The following PCDHA7 variants were observed in gnomAD, a reference collection of about 807,000 sequenced individuals.
PCDHA7 encodes the protein protocadherin alpha-7.
PCDHA7 carries 37 observed loss-of-function variants against 57.2 expected under a neutral mutation model. That is an observed-to-expected ratio of 0.65 (90% CI 0.50 to 0.85). The LOEUF (loss-of-function observed/expected upper bound fraction) is 0.85, where lower values mean the gene tolerates loss of function less well. PCDHA7 is among the 40% of genes least tolerant of loss of function. The probability of loss-of-function intolerance (pLI) is 0.00; values close to 1 mark genes in which losing one functional copy is unlikely to be tolerated. For synonymous variants in PCDHA7, 553 were observed against 558.8 expected (o/e 0.99, Z 0.15); for missense variants, 1,188 against 1,241.8 (o/e 0.96, Z 0.65).
chr5:140,846,135 C>T (rs2150384965), intron 1 of PCDHA7, among the ~76,000 whole-genome samples: 2 of 149,570 alleles, frequency 1.3e-5, no homozygotes, highest in African/African-American at 4.9e-5. Context: ...TGTATGTTTC[C>T]CATATTTAAA....
At chr5:140,876,510 T>C in intron 1 of PCDHA7, 1 of 1,614,038 alleles carries the variant, frequency 6.2e-7, no homozygotes, top group Non-Finnish European at 8.5e-7. Flanking sequence ...TGAATGACAA[T>C]GTCCCTGAAG....
At chr5:140,882,488 C>T in intron 1 of PCDHA7, 6 of 1,614,074 alleles carry the variant, frequency 3.7e-6, no homozygotes, top group South Asian at 1.1e-5. Context: ...ACACGGGGAC[C>T]TTCTGGAGGT....
intron 1 of PCDHA7, among the ~76,000 whole-genome samples, chr5:140,931,548 G>C (rs2087590460): frequency 6.6e-6 from 1 of 151,968 alleles, no homozygotes; most frequent in African/African-American, 2.4e-5. Flanking sequence ...CTGTTCATAT[G>C]TGCAGGAATA....
rs2098416866 is a variant in PCDHA7, at chr5:141,010,297, G to C, written c.*360G>C. 3 of 1,549,050 alleles carry C rather than the reference G, an allele frequency of 1.9e-6. No individual in the cohort carries two copies. The South Asian group carries it at 3.6e-5, about 19-fold the overall frequency. On this transcript the variant is annotated 3_prime_UTR_variant, in exon 4 of 4. Transcript: ENST00000525929. ...TGTCTTGATGACACTTGCAGGGCAGGCTGAAAAGTTTTGAGATTGAGCAGC... is the reference window on the plus strand; with the variant it reads ...TGTCTTGATGACACTTGCAGGGCAGCCTGAAAAGTTTTGAGATTGAGCAGC...
chr5:140,853,709 T>C lies in PCDHA7; in HGVS notation c.2355+16971T>C, dbSNP rs1554146825. 2.0e-6 allele frequency: 2 copies of C among 988,258 alleles called. 1 individual carries two copies. The highest frequency in any genetic ancestry group is 2.4e-6 in the Non-Finnish European group (2 of 820,296). The allele number at this position is 988,258 out of a possible 1,614,324, so 61.2% of individuals were successfully genotyped here. A position where few individuals can be genotyped will look rare whatever the true frequency, so the allele number is the denominator to read the frequency against. On this transcript the variant is annotated intron_variant, in intron 1 of 3. Transcript: ENST00000525929. ...CCTTAGACCTGCTAACGCATTAGCA[T>C]TAGCAGCACCTAAGTCCTCATTGAA...
At chr5:140,915,683 G>A (rs1052949485) in intron 1 of PCDHA7, among the ~76,000 whole-genome samples, 1 of 150,776 alleles carries the variant, frequency 6.6e-6, no homozygotes, top group African/African-American at 2.4e-5. Context: ...TTGAACTAGG[G>A]GTATGGTGAT....
intron 1 of PCDHA7, chr5:140,927,190 G>A (rs1554204161): frequency 6.2e-7 from 1 of 1,614,156 alleles, no homozygotes; most frequent in South Asian, 1.1e-5. Context: ...CTACGACCTG[G>A]TGCTCGAGGA....
At chr5:140,849,664 C>A (rs2150444192) in intron 1 of PCDHA7, 1 of 1,598,668 alleles carries the variant, frequency 6.3e-7, no homozygotes, top group African/African-American at 1.3e-5. Context: ...TGCTCCCTGA[C>A]GCCCCACGTC....
chr5:140,953,881 A>G (rs1481970999), intron 1 of PCDHA7, among the ~76,000 whole-genome samples: 2 of 152,130 alleles, frequency 1.3e-5, no homozygotes, highest in Non-Finnish European at 2.9e-5. Flanking sequence ...AGATCAACCC[A>G]TCACCTAGGT....
At chr5:140,975,084 T>C (rs1353727401) in intron 1 of PCDHA7, among the ~76,000 whole-genome samples, 1 of 152,140 alleles carries the variant, frequency 6.6e-6, no homozygotes, top group African/African-American at 2.4e-5. Context: ...GTTGGCAGAA[T>C]CCAGTTGTTT....
chr5:140,879,402 T>C (rs571790), intron 1 of PCDHA7, among the ~76,000 whole-genome samples: 2,265 of 152,304 alleles, frequency 0.015, 52 homozygotes, highest in African/African-American at 0.052. Context: ...TTTGTGTGTA[T>C]TTGAGCAGGT....
At position 140,928,565 on chromosome 5, in the gene PCDHA7, C is replaced by T. The variant is rs1227327620; in HGVS notation, c.2356-50384C>T. 2.5e-6 allele frequency: 4 copies of T among 1,614,038 alleles called. No individual in the cohort carries two copies. The highest frequency in any genetic ancestry group is 3.4e-6 in the Non-Finnish European group (4 of 1,180,038). On this transcript the variant is annotated intron_variant, in intron 1 of 3. Transcript: ENST00000525929. Reference sequence around the variant, plus strand: ...GACAATTATCCGGTTATCTTGTTTCCCTTGCCCAGAAATGGTTCTGTCCCA... The same window carrying T: ...GACAATTATCCGGTTATCTTGTTTCTCTTGCCCAGAAATGGTTCTGTCCCA...
At chr5:140,929,316 C>G in intron 1 of PCDHA7, 1 of 1,556,954 alleles carries the variant, frequency 6.4e-7, no homozygotes, top group Non-Finnish European at 8.7e-7. Flanking sequence ...ACGCTAATGT[C>G]AATGCCATGG....
chr5:140,840,327 C>T (rs1421494341), intron 1 of PCDHA7, among the ~76,000 whole-genome samples: 1 of 151,704 alleles, frequency 6.6e-6, no homozygotes, highest in East Asian at 1.9e-4. Flanking sequence ...GACTCATTTT[C>T]TAGGCAATGT....
intron 1 of PCDHA7, among the ~76,000 whole-genome samples, chr5:140,917,332 G>C (rs182473611): frequency 8.9e-5 from 13 of 145,644 alleles, no homozygotes; most frequent in East Asian, 6.0e-4. Flanking sequence ...GGCGGGGGAG[G>C]GGGGGGATGG....
At chr5:140,871,697 A>G (rs2053267729) in intron 1 of PCDHA7, 3 of 935,180 alleles carry the variant, frequency 3.2e-6, no homozygotes, top group Non-Finnish European at 3.1e-6. Flanking sequence ...GGCTTCTTTA[A>G]CCAATAAATG....
intron 1 of PCDHA7, chr5:140,843,092 G>A (rs1778555450): frequency 6.3e-7 from 1 of 1,595,654 alleles, no homozygotes. Flanking sequence ...GGGCCACGTG[G>A]TAGCGAAGGT....
Position 140,836,608 on chromosome 5 carries a change from C to T in PCDHA7, c.2225C>T (p.Ser742Phe), listed in dbSNP as rs2150265408. ...TTGGTAAAGCCCACTCTGGTGTGCTCCAGCGCGGTGGGGAGCTGGTCATTC... is the reference window on the plus strand; with the variant it reads ...TTGGTAAAGCCCACTCTGGTGTGCTTCAGCGCGGTGGGGAGCTGGTCATTC... ...CSLVKPTLVC[S>F]SAVGSWSFSQ... Residue 742 changes from serine (S) to phenylalanine (F), a missense_variant, in exon 1 of 4, where the codon TCC becomes TTC. This residue lies in a region of PCDHA7 where 892 missense variants were observed against 788.5 expected (regional missense o/e 1.13). Transcript: ENST00000525929. 1 of 1,613,636 alleles carries T rather than the reference C, an allele frequency of 6.2e-7. No homozygotes were observed. The highest frequency in any genetic ancestry group is 8.5e-7 in the Non-Finnish European group (1 of 1,179,750).
At chr5:140,869,922 C>T in intron 1 of PCDHA7, 1 of 1,611,202 alleles carries the variant, frequency 6.2e-7, no homozygotes, top group Non-Finnish European at 8.5e-7. Flanking sequence ...ACGAAGGAGT[C>T]AATGGAGAGG....
Sources: allele counts gnomAD v4.1 joint callset (sites outside exome capture counted in the v4.1 genomes callset), GRCh38; gene constraint gnomAD v4.1.1; regional missense constraint gnomAD v4.1.1; transcripts MANE v1.5; gene names NCBI Gene and HGNC (gene_info 2026-07-23, HGNC 2026-07-21).